The following CPAP variants were observed in gnomAD, a reference collection of about 807,000 sequenced individuals.
The protein encoded by CPAP is centrosome assembly and centriole elongation protein.
chr13:24,899,383 T>C, the CPAP span: 12 of 1,533,282 alleles, frequency 7.8e-6, no homozygotes, highest in Admixed American at 3.4e-5. Flanking sequence ...TCACCTTTAC[T>C]AACTTACATG....
chr13:24,912,677 G>A, the CPAP span: 1 of 1,613,894 alleles, frequency 6.2e-7, no homozygotes, highest in Admixed American at 1.7e-5. Context: ...TCTTCCTGGT[G>A]TCCAGGAGCA....
the CPAP span, chr13:24,899,376 C>T: frequency 4.7e-6 from 7 of 1,491,288 alleles, no homozygotes; most frequent in Admixed American, 1.2e-4. Context: ...AAGATTGTCA[C>T]CTTTACTAAC....
At chr13:24,886,160 T>A in the CPAP span, 1 of 489,268 alleles carries the variant, frequency 2.0e-6, no homozygotes, top group African/African-American at 2.0e-5. Flanking sequence ...GTGAGGTGAA[T>A]CTCTCTCTAA....
At chr13:24,905,380 T>C in the CPAP span, 2 of 1,614,178 alleles carry the variant, frequency 1.2e-6, no homozygotes, top group Non-Finnish European at 1.7e-6. Context: ...TTAACTTGAG[T>C]TCATTTCCCA....
At chr13:24,892,074 C>T in the CPAP span, among the ~76,000 whole-genome samples, 80 of 152,322 alleles carry the variant, frequency 5.3e-4, no homozygotes, top group Middle Eastern at 0.01. Flanking sequence ...AGTCTTTCTT[C>T]CACCACTGGA....
the CPAP span, among the ~76,000 whole-genome samples, chr13:24,889,569 CT>C: frequency 7.0e-5 from 10 of 142,598 alleles, no homozygotes; most frequent in Non-Finnish European, 1.4e-4. Context: ...CTAGGAATCA[CT>C]GCGCGTGTGC....
chr13:24,889,286 G>T, the CPAP span: 1 of 1,435,612 alleles, frequency 7.0e-7, no homozygotes, highest in Non-Finnish European at 9.8e-7. Flanking sequence ...ATTCTGAAAT[G>T]TTTTATAAAA....
At chr13:24,892,986 C>G in the CPAP span, 2 of 770,906 alleles carry the variant, frequency 2.6e-6, no homozygotes, top group Admixed American at 4.9e-5. Flanking sequence ...AAGGCTTAGT[C>G]AACAGACGAC....
the CPAP span, among the ~76,000 whole-genome samples, chr13:24,904,924 T>A: frequency 1.3e-5 from 2 of 152,164 alleles, no homozygotes; most frequent in Admixed American, 1.3e-4. Flanking sequence ...TGTACATGCG[T>A]TAGAACAATC....
chr13:24,911,830 C>G, the CPAP span: 2 of 1,268,310 alleles, frequency 1.6e-6, no homozygotes, highest in Non-Finnish European at 2.3e-6. Context: ...ATCGGGCTAG[C>G]CTTTAAAGAA....
the CPAP span, among the ~76,000 whole-genome samples, chr13:24,927,526 C>A: frequency 6.6e-6 from 1 of 152,184 alleles, no homozygotes; most frequent in Admixed American, 6.5e-5. Context: ...CGCAGTGATT[C>A]CTCGAGTTTT....
At chr13:24,904,993 T>C in the CPAP span, among the ~76,000 whole-genome samples, 1 of 152,158 alleles carries the variant, frequency 6.6e-6, no homozygotes, top group Non-Finnish European at 1.5e-5. Flanking sequence ...TTTTCATTTG[T>C]ATAGAAAGGT....
the CPAP span, among the ~76,000 whole-genome samples, chr13:24,931,898 T>G: frequency 6.6e-6 from 1 of 152,202 alleles, no homozygotes; most frequent in African/African-American, 2.4e-5. Flanking sequence ...TTTGGATTTA[T>G]CCTCATTGGC....
At chr13:24,912,061 T>G in the CPAP span, 1 of 1,613,406 alleles carries the variant, frequency 6.2e-7, no homozygotes, top group Non-Finnish European at 8.5e-7. Context: ...TCTGTTGTAC[T>G]TCTTTCAGCT....
the CPAP span, among the ~76,000 whole-genome samples, chr13:24,918,345 A>G: frequency 6.6e-6 from 1 of 152,206 alleles, no homozygotes; most frequent in African/African-American, 2.4e-5. Flanking sequence ...AAACACAGCA[A>G]TTTTTTATAA....
the CPAP span, chr13:24,913,085 C>T: frequency 6.8e-7 from 1 of 1,474,304 alleles, no homozygotes; most frequent in Non-Finnish European, 9.4e-7. Context: ...CTATTGATTT[C>T]CAACACCTGT....
At chr13:24,925,373 G>A in the CPAP span, among the ~76,000 whole-genome samples, 1 of 152,196 alleles carries the variant, frequency 6.6e-6, no homozygotes, top group Non-Finnish European at 1.5e-5. Context: ...TCTATCCAGA[G>A]AGGACATGTC....
the CPAP span, among the ~76,000 whole-genome samples, chr13:24,922,457 G>C: frequency 6.6e-6 from 1 of 152,240 alleles, no homozygotes; most frequent in Non-Finnish European, 1.5e-5. Context: ...CCAGCGGACT[G>C]CGGCTGCCGC....
the CPAP span, among the ~76,000 whole-genome samples, chr13:24,887,034 A>C: frequency 6.6e-6 from 1 of 152,170 alleles, no homozygotes; most frequent in African/African-American, 2.4e-5. Flanking sequence ...CTACAACAGG[A>C]AAACTGGGGA....
Sources: gnomAD v4.1 joint callset for allele counts (sites outside exome capture counted in the v4.1 genomes callset) on GRCh38, gnomAD v4.1.1 for gene constraint, MANE v1.5 for transcripts, NCBI Gene and HGNC (gene_info 2026-07-23, HGNC 2026-07-21) for gene names.